Variants in ZNF233 observed in about 807,000 individuals in gnomAD.
ZNF233 encodes the protein zinc finger protein 233.
In ZNF233, 7 loss-of-function variants were observed where a neutral mutation model predicts 11.6. That is an observed-to-expected ratio of 0.60 (90% CI 0.34 to 1.13). The LOEUF (loss-of-function observed/expected upper bound fraction) is 1.13, where lower values mean the gene tolerates loss of function less well. Among genes scored for constraint, ZNF233 ranks in the 50% most tolerant of loss-of-function variants. The pLI, the probability that ZNF233 is intolerant of heterozygous loss-of-function variation, is 0.03. For missense variants in ZNF233, 711 were observed against 785.5 expected, an observed-to-expected ratio of 0.91 and a Z score of 1.13; for synonymous variants, 226 against 268.5, an observed-to-expected ratio of 0.84 and a Z score of 1.55.
chr19:44,259,999 G>A (rs567330553), intron 1 of ZNF233, 61 bp downstream of exon 1: 63 of 439,390 alleles, frequency 1.4e-4, no homozygotes, highest in African/African-American at 1.0e-3. Context: ...CGTTGGACTC[G>A]CAGGTGCCTG....
intron 4 of ZNF233, among the ~76,000 whole-genome samples, chr19:44,270,028 G>A (rs534027088): frequency 6.6e-5 from 10 of 152,260 alleles, no homozygotes; most frequent in African/African-American, 2.4e-4. Context: ...ATCTCACAGA[G>A]TATGGTGCTA....
At position 44,273,429 on chromosome 19, in the gene ZNF233, G is replaced by C; in HGVS notation, c.769G>C (p.Glu257Gln). 1 of 1,614,208 alleles carries C rather than the reference G, an allele frequency of 6.2e-7. No individual in the cohort carries two copies. Among genetic ancestry groups the C allele is most frequent in the Non-Finnish European group, 8.5e-7 (1 of 1,180,046 alleles). Residue 257 changes from glutamate (E) to glutamine (Q), a missense_variant, in exon 5 of 5, where the codon GAG (glutamate) becomes CAG (glutamine). Coordinates refer to ENST00000683810, the MANE Select transcript of ZNF233 (RefSeq NM_001207005.2). ...SSQHSIIQSG[E>Q]QTSDENGKGL... ...CCAGCATAGCATAATCCAATCAGGA[G>C]AGCAAACCTCTGATGAAAATGGAAA...
chr19:44,264,938 G>A (rs1975030879), intron 2 of ZNF233, among the ~76,000 whole-genome samples: 2 of 152,122 alleles, frequency 1.3e-5, no homozygotes, highest in South Asian at 4.1e-4. Flanking sequence ...CTTTAAAAAT[G>A]CAATATTTAC....
rs142476055 is a variant in ZNF233 at position 44,267,436 on chromosome 19, C to T, written c.238+475C>T. The stretch of plus-strand genomic sequence containing the variant: ...GTGCAATCATGGTACACTGCAGCCT[C>T]GACCTCCCAGGCTCAATCGATCTTC... On this transcript the variant is annotated intron_variant, in intron 4 of 4. Transcript: ENST00000683810. The T allele has an allele frequency of 2.0e-3, 800 of 398,204 alleles. 3 individuals are homozygous for T. Among genetic ancestry groups the T allele is most frequent in the African/African-American group, 0.014 (658 of 48,518 alleles). The allele number at this position is 398,204 out of a possible 1,614,324, so 24.7% of individuals were successfully genotyped here. A position where few individuals can be genotyped will look rare whatever the true frequency, so the allele number is the denominator to read the frequency against.
rs146663807 is a variant in ZNF233, at chr19:44,261,013, A to G, written c.-48+1075A>G. Among the ~76,000 whole-genome samples the G allele has an allele frequency of 3.8e-3, 574 of 152,338 alleles. 3 individuals carry two copies. Among genetic ancestry groups the G allele is most frequent in the African/African-American group, 0.013 (542 of 41,566 alleles). ...TTGTAATTCCTGTTTTACAGATGAC[A>G]ACACTGATGGGTAAAACATTTATCT... is the stretch of plus-strand genomic sequence containing the variant. On this transcript the variant is annotated intron_variant, in intron 1 of 4. Coordinates refer to ENST00000683810, the MANE Select transcript of ZNF233 (RefSeq NM_001207005.2).
At position 44,275,083 on chromosome 19, in the gene ZNF233, G is replaced by C. The variant is rs1034591899; in HGVS notation, c.*410G>C. The C allele has an allele frequency of 2.2e-5, 9 of 403,160 alleles. No individual in the cohort carries two copies. Among genetic ancestry groups the C allele is most frequent in the African/African-American group, 1.9e-4 (9 of 48,594 alleles). The allele number at this position is 403,160 out of a possible 1,614,324, so 25.0% of individuals were successfully genotyped here. ...CCACTAGAATCTAAGCTCCATGCAG[G>C]AACATTGTTTACTGCTGCATGATCG... is the stretch of plus-strand genomic sequence containing the variant. On this transcript the variant is annotated 3_prime_UTR_variant, in exon 5 of 5. Coordinates refer to ENST00000683810, the MANE Select transcript of ZNF233 (RefSeq NM_001207005.2).
intron 1 of ZNF233, among the ~76,000 whole-genome samples, chr19:44,261,179 G>A (rs868700933): frequency 6.6e-6 from 1 of 152,124 alleles, no homozygotes. Flanking sequence ...AGTGACTCAC[G>A]CCTGTAATCC....
intron 1 of ZNF233, among the ~76,000 whole-genome samples, chr19:44,260,985 A>C (rs1974921521): frequency 1.3e-5 from 2 of 152,206 alleles, no homozygotes; most frequent in Non-Finnish European, 2.9e-5. Context: ...AACAAAGATA[A>C]TATTGTAATT....
intron 3 of ZNF233, among the ~76,000 whole-genome samples, 196 bp from the exon 4 acceptor site, chr19:44,266,670 T>G (rs1474885907): frequency 1.3e-5 from 2 of 152,230 alleles, no homozygotes; most frequent in African/African-American, 4.8e-5. Context: ...AGGATCAAAT[T>G]ATCTGATCAC....
chr19:44,267,007 C>T (rs2123051310), intron 4 of ZNF233, 46 bp downstream of exon 4: 1 of 1,449,730 alleles, frequency 6.9e-7, no homozygotes. Context: ...CAGCCTAGTC[C>T]TCTCCTCCTC....
chr19:44,260,014 C>T (rs1391530530), intron 1 of ZNF233, 76 bp downstream of exon 1: 2 of 424,752 alleles, frequency 4.7e-6, no homozygotes, highest in South Asian at 1.6e-5. Context: ...TGCCTGCCCT[C>T]GCTCTCAGTG....
In ZNF233 at chr19:44,273,098, A is replaced by G. The variant is rs1334355095; in HGVS notation, c.438A>G (p.Gly146=). Residue 146 remains glycine, a synonymous_variant, in exon 5 of 5, where the codon GGA becomes GGG. Coordinates refer to ENST00000683810, the MANE Select transcript of ZNF233 (RefSeq NM_001207005.2). ...ATTCCCCCTGTCAGGTGTGGACAGG[A>G]GAATCTAGTCAGGTCTCTGAAGATG... ...QGDSPCQVWT[G]ESSQVSEDEN... 1 of 1,614,010 alleles carries G rather than the reference A, an allele frequency of 6.2e-7. No individual in the cohort carries two copies. The highest frequency in any genetic ancestry group is 8.5e-7 in the Non-Finnish European group (1 of 1,180,016).
intron 1 of ZNF233, among the ~76,000 whole-genome samples, chr19:44,261,370 G>A (rs1341921111): frequency 2.6e-5 from 4 of 152,120 alleles, no homozygotes; most frequent in Non-Finnish European, 5.9e-5. Context: ...AGAGGTTGCA[G>A]TGAGCTGAGA....
rs1188017810 is a variant in ZNF233 at position 44,265,382 on chromosome 19, C to T, written c.16-816C>T. ...ATATATATATACACACACACACACA[C>T]ACACACACACACACACACACACACA... On this transcript the variant is annotated intron_variant, in intron 2 of 4. Coordinates refer to ENST00000683810, the MANE Select transcript of ZNF233 (RefSeq NM_001207005.2). Among the ~76,000 whole-genome samples the T allele has an allele frequency of 3.2e-3, 481 of 150,084 alleles. 1 individual carries two copies. In the Middle Eastern group the frequency reaches 0.042, roughly 13 times the overall value.
rs147174825 is a variant in ZNF233 at position 44,273,061 on chromosome 19, T to C, written c.401T>C (p.Leu134Pro). Residue 134 changes from leucine to proline, a missense_variant, in exon 5 of 5, where the codon CTA becomes CCA. Coordinates refer to ENST00000683810, the MANE Select transcript of ZNF233 (RefSeq NM_001207005.2). Reference protein sequence around the residue: ...INLQGKRSKLLKQGDSPCQVW... With the variant: ...INLQGKRSKLPKQGDSPCQVW... ...CTTCAAGGCAAGAGGTCCAAGTTGC[T>C]AAAACAAGGTGATTCCCCCTGTCAG... is the stretch of plus-strand genomic sequence containing the variant. The C allele has an allele frequency of 2.4e-5, 39 of 1,614,116 alleles. No individual in the cohort carries two copies. In the African/African-American group the frequency reaches 3.5e-4, roughly 14 times the overall value.
At chr19:44,270,714 G>T (rs894392172) in intron 4 of ZNF233, among the ~76,000 whole-genome samples, 2 of 152,170 alleles carry the variant, frequency 1.3e-5, no homozygotes, top group Non-Finnish European at 2.9e-5. Flanking sequence ...TGCTTCCAAG[G>T]TGGGCTCGTT....
At chr19:44,268,155 C>G in intron 4 of ZNF233, 1 of 147,906 alleles carries the variant, frequency 6.8e-6, no homozygotes, top group South Asian at 2.1e-4. Flanking sequence ...AAAATACATA[C>G]ATACATACAT....
At chr19:44,269,968 A>C (rs1313375288) in intron 4 of ZNF233, among the ~76,000 whole-genome samples, 1 of 152,178 alleles carries the variant, frequency 6.6e-6, no homozygotes, top group East Asian at 1.9e-4. Context: ...TTCACTGGAC[A>C]GAAGTACAAA....
chr19:44,264,185 C>T (rs1975004864), intron 1 of ZNF233, 129 bp from the exon 2 acceptor site: 1 of 663,876 alleles, frequency 1.5e-6, no homozygotes, highest in Non-Finnish European at 2.7e-6. Flanking sequence ...AGCAATCTGC[C>T]TGCCTCGGCC....
Sources: allele counts gnomAD v4.1 joint callset (sites outside exome capture counted in the v4.1 genomes callset), GRCh38; gene constraint gnomAD v4.1.1; transcripts MANE v1.5; gene names NCBI Gene and HGNC (gene_info 2026-07-23, HGNC 2026-07-21).